Variants in WDFY3 observed in about 807,000 individuals in gnomAD.
The protein encoded by WDFY3 is WD repeat and FYVE domain containing 3.
Under a neutral mutation model 409.6 loss-of-function variants are expected in WDFY3, and 66 were observed. The observed-to-expected ratio is 0.16, with a 90% CI of 0.13 to 0.20. WDFY3 has a LOEUF of 0.20. Ranked by LOEUF, WDFY3 falls within the 10% of genes least tolerant of loss-of-function variation. The pLI is 1.00. For synonymous variants in WDFY3, 1,521 were observed against 1,537.1 expected, an observed-to-expected ratio of 0.99 and a Z score of 0.25; for missense variants, 3,031 against 4,298.1, an observed-to-expected ratio of 0.71 and a Z score of 8.24.
intron 12 of WDFY3, among the ~76,000 whole-genome samples, chr4:84,818,701 A>G (rs1753661484): frequency 6.6e-6 from 1 of 152,148 alleles, no homozygotes; most frequent in Admixed American, 6.6e-5. Context: ...CTAGATAATC[A>G]TAATGGCTAA....
At chr4:84,725,097 T>C (rs756051728) in intron 45 of WDFY3, among the ~76,000 whole-genome samples, 10 of 152,196 alleles carry the variant, frequency 6.6e-5, no homozygotes, top group Non-Finnish European at 1.3e-4. Context: ...GCCTATTCTT[T>C]CCTATATTCC....
intron 67 of WDFY3, 38 bp downstream of exon 67, chr4:84,677,161 A>G (rs1578095439): frequency 2.5e-6 from 4 of 1,610,772 alleles, no homozygotes; most frequent in Non-Finnish European, 3.4e-6. Context: ...CTTAGAGCTT[A>G]ATCAATGTAA....
intron 51 of WDFY3, among the ~76,000 whole-genome samples, chr4:84,712,698 G>C (rs530959228): frequency 6.6e-6 from 1 of 152,132 alleles, no homozygotes; most frequent in Non-Finnish European, 1.5e-5. Context: ...CTGGGTGACA[G>C]AGCGAGACTC....
chr4:84,726,672 C>T (rs1735705226), intron 45 of WDFY3, among the ~76,000 whole-genome samples, 189 bp downstream of exon 45: 1 of 151,916 alleles, frequency 6.6e-6, no homozygotes, highest in Admixed American at 6.6e-5. Flanking sequence ...AAAAGCTGAG[C>T]AACAGTAGAA....
At chr4:84,776,838 A>C (rs549158364) in intron 27 of WDFY3, among the ~76,000 whole-genome samples, 1 of 152,190 alleles carries the variant, frequency 6.6e-6, no homozygotes, top group African/African-American at 2.4e-5. Context: ...AAAATCACTG[A>C]AAGTCCTTGA....
Position 84,711,188 on chromosome 4 carries a change from G to T in WDFY3, c.8043-1841C>A, listed in dbSNP as rs563252668. ...TGATATAAATGGAACTGGGTCTACA[G>T]ATTCTTGAAATGGCTGTGTTACCTA... On this transcript the variant is annotated intron_variant, in intron 51 of 67. Coordinates refer to ENST00000295888, the MANE Select transcript of WDFY3 (RefSeq NM_014991.6). 6.1e-4 allele frequency among the ~76,000 whole-genome samples: 93 copies of T among 152,336 alleles called. 1 individual carries two copies. The highest frequency in any genetic ancestry group is 5.4e-3 in the Admixed American group (82 of 15,304).
intron 1 of WDFY3, among the ~76,000 whole-genome samples, chr4:84,933,881 T>C (rs2150978694): frequency 6.6e-6 from 1 of 152,300 alleles, no homozygotes; most frequent in Non-Finnish European, 1.5e-5. Context: ...GGCTGAATAG[T>C]ATTCCAATGT....
intron 3 of WDFY3, among the ~76,000 whole-genome samples, chr4:84,867,942 G>A (rs1007721251): frequency 2.9e-4 from 44 of 151,814 alleles, no homozygotes; most frequent in South Asian, 2.1e-4. Flanking sequence ...AGGTCAAGGC[G>A]GGCAGATCAC....
chr4:84,964,863 G>C (rs185418779), intron 1 of WDFY3, among the ~76,000 whole-genome samples: 1 of 152,214 alleles, frequency 6.6e-6, no homozygotes, highest in Non-Finnish European at 1.5e-5. Flanking sequence ...TTTAACTCAT[G>C]GAAAGAAACT....
intron 1 of WDFY3, among the ~76,000 whole-genome samples, chr4:84,940,884 A>G (rs1198445013): frequency 1.3e-5 from 2 of 152,092 alleles, no homozygotes; most frequent in Non-Finnish European, 2.9e-5. Flanking sequence ...AAAAATTAAC[A>G]TAATTTACCA....
chr4:84,868,154 AGAGCGAGACTCTGT>A (rs1308134340), intron 3 of WDFY3, among the ~76,000 whole-genome samples: 26 of 130,238 alleles, frequency 2.0e-4, no homozygotes, highest in African/African-American at 7.7e-4. Context: ...CCTGGGTGAC[AGAGCGAGACTCTGT>A]CTCAAAAAAA....
intron 9 of WDFY3, among the ~76,000 whole-genome samples, 191 bp downstream of exon 9, chr4:84,828,813 C>T (rs1202262725): frequency 6.6e-6 from 1 of 152,098 alleles, no homozygotes; most frequent in Non-Finnish European, 1.5e-5. Flanking sequence ...GTGGGAGGAC[C>T]ATTTGAGCCC....
intron 13 of WDFY3, among the ~76,000 whole-genome samples, chr4:84,816,107 G>T (rs1173848953): frequency 1.3e-5 from 2 of 151,696 alleles, no homozygotes; most frequent in African/African-American, 2.4e-5. Context: ...GGCTCATTTT[G>T]TTTCTTTCTC....
Position 84,733,511 on chromosome 4 carries a change from G to A in WDFY3, c.7092C>T (p.Ser2364=). The A allele has an allele frequency of 6.2e-7, 1 of 1,614,026 alleles. No individual in the cohort carries two copies. The highest frequency in any genetic ancestry group is 8.5e-7 in the Non-Finnish European group (1 of 1,180,004). Residue 2364 remains serine, a synonymous_variant, in exon 44 of 68, where the codon TCC becomes TCT. Transcript: ENST00000295888. ...TCTCCAGCATCCACTTGTCGAGGTG[G>A]GAGCCGATGGGAGGGCCCCACAGCC... The part of the protein sequence containing the change: ...ERGLWGPPIG[S]HLDKWMLEMT...
chr4:84,774,557 T>C (rs1000448052), intron 29 of WDFY3, among the ~76,000 whole-genome samples: 12 of 152,222 alleles, frequency 7.9e-5, no homozygotes, highest in Non-Finnish European at 1.2e-4. Context: ...ATACTTTATA[T>C]CCAGGCCAAT....
chr4:84,764,742 G>C (rs895114183), intron 32 of WDFY3, among the ~76,000 whole-genome samples: 2 of 151,606 alleles, frequency 1.3e-5, no homozygotes, highest in South Asian at 4.2e-4. Flanking sequence ...GGTGGCAGGC[G>C]CCTGTAGTCC....
chr4:84,738,217 C>T (rs1213770374), intron 40 of WDFY3, among the ~76,000 whole-genome samples: 1 of 151,816 alleles, frequency 6.6e-6, no homozygotes, highest in East Asian at 1.9e-4. Context: ...CTCTTTATCA[C>T]TAAACATGTG....
chr4:84,776,859 C>T (rs984764329), intron 27 of WDFY3, among the ~76,000 whole-genome samples: 4 of 152,006 alleles, frequency 2.6e-5, no homozygotes, highest in Middle Eastern at 3.4e-3. Flanking sequence ...ATAAATGATA[C>T]GATTATGCCT....
At chr4:84,807,779 T>C (rs758876275) in intron 15 of WDFY3, among the ~76,000 whole-genome samples, 2 of 152,138 alleles carry the variant, frequency 1.3e-5, no homozygotes, top group Non-Finnish European at 2.9e-5. Context: ...AAAGTAAGTA[T>C]TGGGGTGGGT....
Sources: allele counts gnomAD v4.1 joint callset (sites outside exome capture counted in the v4.1 genomes callset), GRCh38; gene constraint gnomAD v4.1.1; transcripts MANE v1.5; gene names NCBI Gene and HGNC (gene_info 2026-07-23, HGNC 2026-07-21).